Variants in GRIN2B observed in about 807,000 individuals in gnomAD.
GRIN2B encodes the protein glutamate ionotropic receptor NMDA type subunit 2B, also known as glutamate receptor ionotropic, NMDA 2B.
A neutral mutation model predicts 114.5 loss-of-function variants in GRIN2B; 5 were observed. The observed-to-expected ratio is 0.04, with a 90% CI of 0.02 to 0.09. The LOEUF (loss-of-function observed/expected upper bound fraction) is 0.09. Ranked by LOEUF, GRIN2B falls within the 10% of genes least tolerant of loss-of-function variation. The probability of loss-of-function intolerance (pLI) is 1.00; values close to 1 mark genes in which losing one functional copy is unlikely to be tolerated. For missense variants in GRIN2B, 1,108 were observed against 1,943.5 expected (o/e 0.57, Z 8.08); for synonymous variants, 787 against 745.1 (o/e 1.06, Z -0.92).
chr12:13,698,655 C>T (rs1191891705), intron 4 of GRIN2B, among the ~76,000 whole-genome samples: 3 of 152,128 alleles, frequency 2.0e-5, no homozygotes, highest in Admixed American at 6.6e-5. Context: ...CTTTGATCAT[C>T]CGCATACAGT....
At chr12:13,647,271 T>C (rs947821938) in intron 5 of GRIN2B, among the ~76,000 whole-genome samples, 2 of 152,100 alleles carry the variant, frequency 1.3e-5, no homozygotes, top group Admixed American at 6.6e-5. Flanking sequence ...TATCTCTTTT[T>C]AATAGAAGAG....
At chr12:13,921,132 C>T (rs893370892) in intron 2 of GRIN2B, among the ~76,000 whole-genome samples, 12 of 152,290 alleles carry the variant, frequency 7.9e-5, no homozygotes, top group Admixed American at 6.5e-4. Flanking sequence ...CATGGTAGCT[C>T]ACACCTGTAA....
chr12:13,602,042 C>T (rs1341747902), intron 10 of GRIN2B, among the ~76,000 whole-genome samples: 1 of 152,122 alleles, frequency 6.6e-6, no homozygotes, highest in Non-Finnish European at 1.5e-5. Context: ...ATGGAGGTCA[C>T]CCTGGCAGGA....
At chr12:13,698,133 G>A (rs1950277878) in intron 4 of GRIN2B, among the ~76,000 whole-genome samples, 2 of 152,262 alleles carry the variant, frequency 1.3e-5, no homozygotes, top group Admixed American at 1.3e-4. Context: ...CTCCAAGGTT[G>A]ATGAGGCAAT....
At chr12:13,698,623 T>G (rs142370335) in intron 4 of GRIN2B, among the ~76,000 whole-genome samples, 1 of 152,306 alleles carries the variant, frequency 6.6e-6, no homozygotes, top group East Asian at 1.9e-4. Context: ...AAAAATATAT[T>G]TTAAAAACCA....
At chr12:13,574,920 G>C (rs1487606563) in intron 10 of GRIN2B, among the ~76,000 whole-genome samples, 3 of 152,212 alleles carry the variant, frequency 2.0e-5, no homozygotes, top group Non-Finnish European at 4.4e-5. Flanking sequence ...CCCACTAACA[G>C]AGCCCCACAT....
chr12:13,675,823 C>A lies in GRIN2B; in HGVS notation c.1047G>T (p.Leu349Phe). Residue 349 changes from leucine (L) to phenylalanine (F), a missense_variant, in exon 5 of 14, where the codon TTG (leucine) becomes TTT (phenylalanine). Physicochemically the swap from Leu to Phe is conservative, Grantham distance 22 (BLOSUM62 0). This residue lies in a region of GRIN2B where 199 missense variants were observed against 439.6 expected (regional missense o/e 0.45). Coordinates refer to ENST00000609686, the MANE Select transcript of GRIN2B (RefSeq NM_000834.5). ...TCTGGTAGCCATCTTCACTGAAGGA[C>A]AAATTCCTCCCCTCAAAAGTGACAT... The part of the protein sequence containing the change: ...LINVTFEGRN[L>F]SFSEDGYQMH... The A allele has an allele frequency of 6.2e-7, 1 of 1,608,346 alleles. No individual in the cohort carries two copies. The highest frequency in any genetic ancestry group is 8.5e-7 in the Non-Finnish European group (1 of 1,175,018).
At chr12:13,586,668 C>G (rs1948929827) in intron 10 of GRIN2B, among the ~76,000 whole-genome samples, 1 of 152,222 alleles carries the variant, frequency 6.6e-6, no homozygotes, top group Non-Finnish European at 1.5e-5. Flanking sequence ...CTCACTTACT[C>G]AGTTCTCTTC....
intron 4 of GRIN2B, among the ~76,000 whole-genome samples, chr12:13,695,357 G>T (rs1473513244): frequency 6.6e-6 from 1 of 152,182 alleles, no homozygotes; most frequent in Non-Finnish European, 1.5e-5. Context: ...CTGAGGAGAG[G>T]AAAACCCCAT....
Position 13,783,945 on chromosome 12 carries a change from C to T in GRIN2B, c.412-30030G>A, listed in dbSNP as rs531218684. Among the ~76,000 whole-genome samples, 128 of 152,120 alleles carry T rather than the reference C, an allele frequency of 8.4e-4. 2 individuals carry two copies. In the South Asian group the frequency reaches 0.024, roughly 28 times the overall value. On this transcript the variant is annotated intron_variant, in intron 3 of 13. Coordinates refer to ENST00000609686, the MANE Select transcript of GRIN2B (RefSeq NM_000834.5). The stretch of plus-strand genomic sequence containing the variant: ...ACCTAATAAAAAAACATATCCCGGC[C>T]GGGCGCGGTGGCTCATGCCTGTAAT...
chr12:13,624,513 T>C (rs905805140), intron 5 of GRIN2B, among the ~76,000 whole-genome samples: 16 of 152,236 alleles, frequency 1.1e-4, no homozygotes, highest in Admixed American at 1.0e-3. Context: ...CTTTGATGCT[T>C]CTTCTCCTAA....
At chr12:13,710,318 C>T (rs985737460) in intron 4 of GRIN2B, among the ~76,000 whole-genome samples, 1 of 152,072 alleles carries the variant, frequency 6.6e-6, no homozygotes, top group Admixed American at 6.6e-5. Context: ...AAAACTGGTA[C>T]AAGACAGGGA....
intron 4 of GRIN2B, among the ~76,000 whole-genome samples, chr12:13,679,016 A>G (rs1950103727): frequency 6.6e-6 from 1 of 151,248 alleles, no homozygotes; most frequent in Admixed American, 6.6e-5. Flanking sequence ...AAGAAGGAAA[A>G]AGGAAGAAAA....
At chr12:13,667,181 A>T (rs1271169829) in intron 5 of GRIN2B, among the ~76,000 whole-genome samples, 2 of 152,194 alleles carry the variant, frequency 1.3e-5, no homozygotes, top group East Asian at 3.9e-4. Flanking sequence ...GCAGACAGAC[A>T]TGGAACACAT....
chr12:13,676,289 C>A (rs1198036941), intron 4 of GRIN2B, among the ~76,000 whole-genome samples: 1 of 152,062 alleles, frequency 6.6e-6, no homozygotes, highest in Non-Finnish European at 1.5e-5. Flanking sequence ...ATCACCATGT[C>A]ACAAGTTTAC....
At chr12:13,905,351 A>G (rs1345949550) in intron 2 of GRIN2B, among the ~76,000 whole-genome samples, 1 of 152,164 alleles carries the variant, frequency 6.6e-6, no homozygotes, top group Non-Finnish European at 1.5e-5. Flanking sequence ...AGCTTTTATT[A>G]CACTTTCAGT....
At chr12:13,588,963 G>A (rs754041043) in intron 10 of GRIN2B, among the ~76,000 whole-genome samples, 1 of 152,162 alleles carries the variant, frequency 6.6e-6, no homozygotes, top group Non-Finnish European at 1.5e-5. Context: ...TTTTAAGAAC[G>A]AAGTGTCTGC....
Position 13,807,709 on chromosome 12 carries a change from C to CT in GRIN2B, c.412-53795dup, listed in dbSNP as rs71067726. On this transcript the variant is annotated intron_variant, in intron 3 of 13. Transcript: ENST00000609686. ...AAGCAGACGTTTATTAAGCAGAAGGCTTTTTTTTTTTTTTTTTTTTTTTTT... is the reference window on the plus strand; with the variant it reads ...AAGCAGACGTTTATTAAGCAGAAGGCTTTTTTTTTTTTTTTTTTTTTTTTTT... 4.1e-3 allele frequency among the ~76,000 whole-genome samples: 316 copies of CT among 77,404 alleles called. 28 individuals are homozygous for CT. The highest frequency in any genetic ancestry group is 0.012 in the African/African-American group (253 of 20,652). The allele number at this position is 77,404 out of a possible 152,430, so 50.8% of individuals were successfully genotyped here. A position where few individuals can be genotyped will look rare whatever the true frequency, so the allele number is the denominator to read the frequency against.
intron 3 of GRIN2B, among the ~76,000 whole-genome samples, chr12:13,766,180 T>TTTAAA (rs1863782787): frequency 6.6e-6 from 1 of 152,238 alleles, no homozygotes; most frequent in African/African-American, 2.4e-5. Context: ...TATCAGGTGC[T>TTTAAA]GTAGGAAGTA....
Sources: allele counts gnomAD v4.1 joint callset (sites outside exome capture counted in the v4.1 genomes callset), GRCh38; gene constraint gnomAD v4.1.1; regional missense constraint gnomAD v4.1.1; transcripts MANE v1.5; gene names NCBI Gene and HGNC (gene_info 2026-07-23, HGNC 2026-07-21).